The following SLF2 variants were observed in gnomAD, a reference collection of about 807,000 sequenced individuals.
SLF2 encodes SMC5-SMC6 complex localization factor protein 2.
In SLF2, 68 loss-of-function variants were observed where a neutral mutation model predicts 124.3. The observed-to-expected ratio is 0.55, with a 90% CI of 0.45 to 0.67. The LOEUF (loss-of-function observed/expected upper bound fraction) is 0.67, where lower values mean the gene tolerates loss of function less well. Ranked by LOEUF, SLF2 falls within the 30% of genes least tolerant of loss-of-function variation. The pLI is 0.00. For missense variants in SLF2, 1,246 were observed against 1,373.7 expected, an observed-to-expected ratio of 0.91 and a Z score of 1.47; for synonymous variants, 480 against 478.8, an observed-to-expected ratio of 1.00 and a Z score of -0.03.
At position 100,924,968 on chromosome 10, in the gene SLF2, A is replaced by G. The variant is rs1310519199; in HGVS notation, c.1967A>G (p.Tyr656Cys). 5 of 1,609,490 alleles carry G rather than the reference A, an allele frequency of 3.1e-6. No homozygotes were observed. The highest frequency in any genetic ancestry group is 2.2e-5 in the East Asian group (1 of 44,852). The part of the protein sequence containing the change: ...SKGLRSQSSD[Y>C]TGHVHPGTYT... ...GGGCTTAGATCTCAGTCATCAGACT[A>G]TACAGTAAGTAGTTCTGTGACGTTT... The change falls in exon 5 of 20, where the codon TAT becomes TGT. Residue 656 changes from tyrosine (Y) to cysteine (C), a missense_variant. Transcript: ENST00000238961.
At chr10:100,951,054 A>G (rs1049629066) in intron 17 of SLF2, among the ~76,000 whole-genome samples, 3 of 152,200 alleles carry the variant, frequency 2.0e-5, no homozygotes, top group African/African-American at 7.2e-5. Flanking sequence ...CAGCCTGGCC[A>G]ACATGGTGAA....
rs766564108 is a variant in SLF2, at chr10:100,944,022, A to G, written c.2655-4A>G. On this transcript the variant is annotated splice_region_variant and splice_polypyrimidine_tract_variant and intron_variant, in intron 11 of 19. Transcript: ENST00000238961. ...TTCACATTGCTTTACTCACTTCTCA[A>G]TAGTTCTGAAACACAGACAACATCA... 5.0e-6 allele frequency: 8 copies of G among 1,599,862 alleles called. No individual in the cohort carries two copies. Among genetic ancestry groups the G allele is most frequent in the African/African-American group, 2.7e-5 (2 of 74,078 alleles).
chr10:100,919,156 C>T (rs1025148089), intron 4 of SLF2, among the ~76,000 whole-genome samples: 2 of 151,810 alleles, frequency 1.3e-5, no homozygotes, highest in African/African-American at 4.8e-5. Context: ...GGACTACAGG[C>T]GCCCACCACC....
At chr10:100,953,495 CTT>C (rs1238191427) in intron 17 of SLF2, among the ~76,000 whole-genome samples, 1 of 150,616 alleles carries the variant, frequency 6.6e-6, no homozygotes, top group Non-Finnish European at 1.5e-5. Context: ...TATTGTAAAA[CTT>C]ATATAAAGTA....
chr10:100,961,166 C>A (rs1850421571), intron 19 of SLF2, among the ~76,000 whole-genome samples: 1 of 151,856 alleles, frequency 6.6e-6, no homozygotes, highest in Non-Finnish European at 1.5e-5. Context: ...CCTGCCACCA[C>A]ACCTGGCTAA....
chr10:100,929,413 T>G lies in SLF2; in HGVS notation c.2139T>G (p.Asp713Glu), dbSNP rs1000174253. The part of the protein sequence containing the change: ...IRIGEEDSTD[D>E]EDGLLEEHKE... ...TTGGAGAAGAAGACAGTACAGATGA[T>G]GAGGATGGCCTCTTAGAAGAGCACA... Residue 713 changes from aspartate (D) to glutamate (E), a missense_variant, in exon 7 of 20, where the codon GAT becomes GAG. By Grantham distance (45) the Asp-to-Glu change is conservative. This residue lies in a region of SLF2 where 535 missense variants were observed against 632.8 expected (regional missense o/e 0.85). Transcript: ENST00000238961. 1 of 1,612,366 alleles carries G rather than the reference T, an allele frequency of 6.2e-7. No individual in the cohort carries two copies. Among genetic ancestry groups the G allele is most frequent in the Non-Finnish European group, 8.5e-7 (1 of 1,178,912 alleles).
At position 100,962,017 on chromosome 10, in the gene SLF2, G is replaced by A. The variant is rs1329511844; in HGVS notation, c.*105G>A. The stretch of plus-strand genomic sequence containing the variant: ...AGAATCCAATGAATGCCAAGAAAAT[G>A]TACAGCAAATGTGCCACTTGAATAT... On this transcript the variant is annotated 3_prime_UTR_variant, in exon 20 of 20. Transcript: ENST00000238961. The A allele has an allele frequency of 4.7e-6, 5 of 1,071,310 alleles. No individual in the cohort carries two copies. The African/African-American group carries it at 4.7e-5, about 10-fold the overall frequency. The allele number at this position is 1,071,310 out of a possible 1,614,324, so 66.4% of individuals were successfully genotyped here.
chr10:100,944,090 T>C lies in SLF2; in HGVS notation c.2719T>C (p.Ser907Pro), dbSNP rs145182528. The part of the protein sequence containing the change: ...SEDSSYKPIF[S>P]TLPETNILNV... ...AGATTCATCTTATAAGCCAATTTTT[T>C]CAACACTTCCTGAAACCAACATTTT... The change falls in exon 12 of 20, where the codon TCA (serine) becomes CCA (proline). Residue 907 changes from serine (S) to proline (P), a missense_variant. Around this residue, in one of 3 missense-constraint regions of SLF2, gnomAD observed 535 missense variants for 632.8 expected, o/e 0.85. Transcript: ENST00000238961. The C allele has an allele frequency of 2.7e-3, 4,378 of 1,613,010 alleles. 7 individuals carry two copies. Among genetic ancestry groups the C allele is most frequent in the Non-Finnish European group, 3.5e-3 (4,123 of 1,179,556 alleles).
chr10:100,926,071 G>T, intron 6 of SLF2, 52 bp downstream of exon 6: 3 of 1,614,130 alleles, frequency 1.9e-6, no homozygotes, highest in Non-Finnish European at 2.5e-6. Context: ...GCTTGTTTGT[G>T]TGGCTTACTT....
At chr10:100,926,749 T>TA (rs796695270) in intron 6 of SLF2, 45 of 145,766 alleles carry the variant, frequency 3.1e-4, no homozygotes, top group African/African-American at 6.5e-4. Context: ...TACTAAAAAA[T>TA]AAAAAAAAAA....
intron 13 of SLF2, among the ~76,000 whole-genome samples, chr10:100,946,237 T>A (rs1275922246): frequency 6.6e-6 from 1 of 152,090 alleles, no homozygotes; most frequent in African/African-American, 2.4e-5. Context: ...ATATTTCCTT[T>A]CCCTGCTCAT....
Position 100,922,756 on chromosome 10 carries a change from A to G in SLF2, c.974-1219A>G, listed in dbSNP as rs1443081179. 2.0e-5 allele frequency among the ~76,000 whole-genome samples: 3 copies of G among 150,646 alleles called. No homozygotes were observed. The East Asian group carries it at 5.8e-4, about 29-fold the overall frequency. On this transcript the variant is annotated intron_variant, in intron 4 of 19. Transcript: ENST00000238961. ...AGCTGGGACTATATAGGCACACACC[A>G]CTGCACCAGGTTAAAGTGAATTTTT... is the stretch of plus-strand genomic sequence containing the variant.
chr10:100,957,048 C>T (rs1375061841), intron 18 of SLF2, among the ~76,000 whole-genome samples: 2 of 152,182 alleles, frequency 1.3e-5, no homozygotes, highest in African/African-American at 2.4e-5. Context: ...AAAGCAAATA[C>T]ACTTTTCACT....
chr10:100,924,328 T>C lies in SLF2; in HGVS notation c.1327T>C (p.Leu443=). The change falls in exon 5 of 20, where the codon TTA becomes CTA. Residue 443 remains leucine, a synonymous_variant. Coordinates refer to ENST00000238961, the MANE Select transcript of SLF2 (RefSeq NM_018121.4). ...TAAGATGCAGAAACCCCACTTACCTTTATCTCAGGAAAAGTCTGCAATTAA... is the reference window on the plus strand; with the variant it reads ...TAAGATGCAGAAACCCCACTTACCTCTATCTCAGGAAAAGTCTGCAATTAA... ...ETKMQKPHLP[L]SQEKSAIKKA... is the part of the protein sequence containing the mutation. 2 of 1,613,972 alleles carry C rather than the reference T, an allele frequency of 1.2e-6. No individual in the cohort carries two copies.
intron 15 of SLF2, among the ~76,000 whole-genome samples, chr10:100,949,016 G>A (rs958799339): frequency 6.6e-6 from 1 of 152,238 alleles, no homozygotes; most frequent in African/African-American, 2.4e-5. Flanking sequence ...CTCTGCCCTT[G>A]AAAACATAAT....
At chr10:100,944,861 C>T (rs190535147) in intron 12 of SLF2, among the ~76,000 whole-genome samples, 47 of 152,058 alleles carry the variant, frequency 3.1e-4, no homozygotes, top group Middle Eastern at 3.4e-3. Context: ...CCCATCTCTA[C>T]TAAAAATACA....
intron 11 of SLF2, among the ~76,000 whole-genome samples, chr10:100,940,604 C>T (rs528820403): frequency 2.6e-5 from 4 of 152,146 alleles, no homozygotes; most frequent in African/African-American, 4.8e-5. Context: ...TCAGGCGATC[C>T]GCCGGCCTCA....
In SLF2 at chr10:100,921,849, A is replaced by G. The variant is rs55862044; in HGVS notation, c.974-2126A>G. ...GCCAAATCTTCTCTTTTGTTTAGTC[A>G]TTTAATTTCTCATCCTGTTACCCCT... On this transcript the variant is annotated intron_variant, in intron 4 of 19. Transcript: ENST00000238961. Among the ~76,000 whole-genome samples the G allele has an allele frequency of 7.3e-3, 1,116 of 152,342 alleles. 14 individuals are homozygous for G. Among genetic ancestry groups the G allele is most frequent in the African/African-American group, 0.025 (1,026 of 41,574 alleles).
intron 1 of SLF2, among the ~76,000 whole-genome samples, chr10:100,914,085 C>T (rs73336283): frequency 0.084 from 12,853 of 152,204 alleles, 630 homozygotes; most frequent in African/African-American, 0.13. Context: ...TAATGTAAGG[C>T]TGTTTGTGGT....
Sources: allele counts gnomAD v4.1 joint callset (sites outside exome capture counted in the v4.1 genomes callset), GRCh38; gene constraint gnomAD v4.1.1; regional missense constraint gnomAD v4.1.1; transcripts MANE v1.5; gene names NCBI Gene and HGNC (gene_info 2026-07-23, HGNC 2026-07-21).